Variants in SMARCAD1 observed in about 807,000 individuals in gnomAD.
SMARCAD1 encodes the protein SWI/SNF-related matrix-associated actin-dependent regulator of chromatin subfamily A containing DEAD/H box 1.
In SMARCAD1, 25 loss-of-function variants were observed where a neutral mutation model predicts 127.1. That is an observed-to-expected ratio of 0.20 (90% CI 0.14 to 0.27). SMARCAD1 has a LOEUF of 0.27. SMARCAD1 is among the 10% of genes least tolerant of loss of function. The pLI, the probability that SMARCAD1 is intolerant of heterozygous loss-of-function variation, is 1.00. For synonymous variants in SMARCAD1, 400 were observed against 396.9 expected (o/e 1.01, Z -0.09); for missense variants, 807 against 1,206.0 (o/e 0.67, Z 4.90).
intron 5 of SMARCAD1, 110 bp downstream of exon 5, chr4:94,237,128 C>G: frequency 1.1e-6 from 1 of 942,016 alleles, no homozygotes; most frequent in South Asian, 1.3e-5. Flanking sequence ...TGAATTCTTA[C>G]AGGAATTTGT....
At chr4:94,239,336 A>G (rs1747206010) in intron 5 of SMARCAD1, among the ~76,000 whole-genome samples, 1 of 143,426 alleles carries the variant, frequency 7.0e-6, no homozygotes, top group African/African-American at 2.6e-5. Context: ...AGAAATTGTG[A>G]CAGTTCCCAT....
intron 23 of SMARCAD1, among the ~76,000 whole-genome samples, 173 bp downstream of exon 23, chr4:94,285,242 T>G (rs1196090927): frequency 6.6e-6 from 1 of 152,216 alleles, no homozygotes; most frequent in Non-Finnish European, 1.5e-5. Context: ...ATAATTTTTT[T>G]GAAGTTTCTT....
At chr4:94,260,832 G>T (rs1750862177) in intron 9 of SMARCAD1, among the ~76,000 whole-genome samples, 1 of 152,016 alleles carries the variant, frequency 6.6e-6, no homozygotes. Flanking sequence ...GCTTCCAAAT[G>T]ACCATAATTA....
Position 94,234,001 on chromosome 4 carries a change from C to A in SMARCAD1, c.416C>A (p.Ala139Glu). ...DEESQGLPTMARRNDDISELE... is the reference protein window; with the variant it reads ...DEESQGLPTMERRNDDISELE... ...GAGTCCCAAGGCCTTCCTACCATGG[C>A]ACGTAGAAATGATGATATTTCAGAA... is the stretch of plus-strand genomic sequence containing the variant. Residue 139 changes from alanine to glutamate, a missense_variant, in exon 4 of 24, where the codon GCA becomes GAA. Ala to Glu is a moderately radical substitution (Grantham distance 107). Transcript: ENST00000354268. 3.7e-6 allele frequency: 6 copies of A among 1,613,750 alleles called. No individual in the cohort carries two copies. Among genetic ancestry groups the A allele is most frequent in the Non-Finnish European group, 5.1e-6 (6 of 1,179,792 alleles).
intron 9 of SMARCAD1, among the ~76,000 whole-genome samples, chr4:94,254,701 T>C (rs1412828663): frequency 1.3e-5 from 2 of 152,116 alleles, no homozygotes; most frequent in African/African-American, 4.8e-5. Flanking sequence ...GTGAAATATT[T>C]TATGTAACAG....
chr4:94,254,044 G>C (rs1749688236), intron 9 of SMARCAD1, among the ~76,000 whole-genome samples: 1 of 152,124 alleles, frequency 6.6e-6, no homozygotes, highest in South Asian at 2.1e-4. Flanking sequence ...GTGTCTTGAA[G>C]TGGCAATAGG....
chr4:94,290,659 A>G lies in SMARCAD1; in HGVS notation c.*1125A>G, dbSNP rs765993436. 5 of 453,298 alleles carry G rather than the reference A, an allele frequency of 1.1e-5. No homozygotes were observed. The highest frequency in any genetic ancestry group is 6.8e-4 in the Middle Eastern group (1 of 1,460). 28.1% of individuals were successfully genotyped at this position (453,298 alleles called of 1,614,324 possible). A position where few individuals can be genotyped will look rare whatever the true frequency, so the allele number is the denominator to read the frequency against. ...GTGAAATTTAGAAGTGAAGTTGTCTATTTGATATTTAACTCTTTATTAAAT... is the reference window on the plus strand; with the variant it reads ...GTGAAATTTAGAAGTGAAGTTGTCTGTTTGATATTTAACTCTTTATTAAAT... On this transcript the variant is annotated 3_prime_UTR_variant, in exon 24 of 24. Coordinates refer to ENST00000354268, the MANE Select transcript of SMARCAD1 (RefSeq NM_020159.5).
intron 14 of SMARCAD1, among the ~76,000 whole-genome samples, chr4:94,275,796 C>CTTTTATTTTATTTTATTTTATTTTTTTTT (rs1553920714): frequency 7.0e-5 from 6 of 85,402 alleles, no homozygotes; most frequent in Admixed American, 2.5e-4. Flanking sequence ...TTAACATTTT[C>CTTTTATTTTATTTTATTTTATTTTTTTTT]TTTTTTTTTT....
chr4:94,210,473 A>G lies in SMARCAD1; in HGVS notation c.190+1889A>G, dbSNP rs115140400. ...AGAAAGTTTTAAAAGTCAGTTTAGCAGTAGTGACTAGTACACACTGATTGA... is the reference window on the plus strand; with the variant it reads ...AGAAAGTTTTAAAAGTCAGTTTAGCGGTAGTGACTAGTACACACTGATTGA... On this transcript the variant is annotated intron_variant, in intron 2 of 23. Transcript: ENST00000354268. Among the ~76,000 whole-genome samples the G allele has an allele frequency of 8.8e-3, 1,339 of 152,320 alleles. 10 individuals carry two copies. Among genetic ancestry groups the G allele is most frequent in the African/African-American group, 0.03 (1,258 of 41,566 alleles).
At chr4:94,253,459 T>TA in intron 9 of SMARCAD1, 1 of 1,181,770 alleles carries the variant, frequency 8.5e-7, no homozygotes, top group East Asian at 6.0e-5. Flanking sequence ...AATGCCAGCC[T>TA]AAGTGTTTTA....
intron 3 of SMARCAD1, among the ~76,000 whole-genome samples, chr4:94,229,437 A>G (rs1365017053): frequency 6.6e-6 from 1 of 152,086 alleles, no homozygotes; most frequent in Admixed American, 6.5e-5. Context: ...ATAATTTAGT[A>G]CTATTATTAT....
chr4:94,228,532 T>A (rs1389077678), intron 3 of SMARCAD1, among the ~76,000 whole-genome samples: 1 of 152,158 alleles, frequency 6.6e-6, no homozygotes, highest in Non-Finnish European at 1.5e-5. Context: ...ACCAGTAATG[T>A]CCTTTAGAGC....
At chr4:94,281,432 C>A in intron 20 of SMARCAD1, 40 bp from the exon 21 acceptor site, 1 of 1,392,354 alleles carries the variant, frequency 7.2e-7, no homozygotes, top group Non-Finnish European at 1.0e-6. Context: ...AGTAGTAAAA[C>A]GATTTTTTCT....
intron 4 of SMARCAD1, among the ~76,000 whole-genome samples, chr4:94,236,284 A>G (rs1388169017): frequency 6.6e-6 from 1 of 152,208 alleles, no homozygotes; most frequent in Non-Finnish European, 1.5e-5. Context: ...ATGGGAAGCT[A>G]TAATAGGAGA....
chr4:94,270,430 TATC>T (rs1560557171), intron 10 of SMARCAD1: 1 of 298,832 alleles, frequency 3.3e-6, no homozygotes, highest in Non-Finnish European at 6.4e-6. Flanking sequence ...GTATTAATAT[TATC>T]ATAGTTAATA....
intron 3 of SMARCAD1, among the ~76,000 whole-genome samples, chr4:94,228,870 A>G (rs1420878081): frequency 6.6e-6 from 1 of 152,084 alleles, no homozygotes; most frequent in African/African-American, 2.4e-5. Context: ...TCTGTTTCTC[A>G]GGATACTGAC....
At chr4:94,212,062 C>G (rs1317636106) in intron 2 of SMARCAD1, among the ~76,000 whole-genome samples, 3 of 152,182 alleles carry the variant, frequency 2.0e-5, no homozygotes, top group African/African-American at 7.2e-5. Flanking sequence ...CTATTTATCT[C>G]CATTGTTCAG....
At chr4:94,246,793 A>G (rs1748499335) in intron 6 of SMARCAD1, among the ~76,000 whole-genome samples, 1 of 152,204 alleles carries the variant, frequency 6.6e-6, no homozygotes. Flanking sequence ...GTATTATTTG[A>G]GAGAGCCAGG....
At chr4:94,277,437 A>G (rs1316085489) in intron 16 of SMARCAD1, among the ~76,000 whole-genome samples, 1 of 152,192 alleles carries the variant, frequency 6.6e-6, no homozygotes, top group African/African-American at 2.4e-5. Context: ...GATATATAGT[A>G]TGTGCGGAAA....
Sources: gnomAD v4.1 joint callset for allele counts (sites outside exome capture counted in the v4.1 genomes callset) on GRCh38, gnomAD v4.1.1 for gene constraint, MANE v1.5 for transcripts, NCBI Gene and HGNC (gene_info 2026-07-23, HGNC 2026-07-21) for gene names.